PRDX3: variants seen among roughly 807,000 people sequenced by gnomAD.
The protein encoded by PRDX3 is peroxiredoxin 3, also known as thioredoxin-dependent peroxide reductase, mitochondrial.
PRDX3 carries 20 observed loss-of-function variants against 30.4 expected under a neutral mutation model. The ratio of observed to expected loss-of-function variants is 0.66; its 90% CI spans 0.46 to 0.96. The LOEUF is 0.96. Among genes scored for constraint, PRDX3 ranks in the 40% least tolerant of loss-of-function variants. The probability of loss-of-function intolerance (pLI) is 0.00; values close to 1 mark genes in which losing one functional copy is unlikely to be tolerated. For synonymous variants in PRDX3, 124 were observed against 117.8 expected, an observed-to-expected ratio of 1.05 and a Z score of -0.34; for missense variants, 322 against 318.3, an observed-to-expected ratio of 1.01 and a Z score of -0.09.
At chr10:119,169,002 A>C (rs566052536) in intron 6 of PRDX3, among the ~76,000 whole-genome samples, 175 bp downstream of exon 6, 2 of 149,354 alleles carry the variant, frequency 1.3e-5, no homozygotes, top group Non-Finnish European at 3.0e-5. Flanking sequence ...CCTGTCTCTG[A>C]TAATTGGTTC....
rs1303189286 is a variant in PRDX3 at position 119,178,785 on chromosome 10, C to T, written c.6G>A (p.Ala2=). The change falls in exon 1 of 7, where the codon GCG becomes GCA. Residue 2 remains alanine (A), a synonymous_variant. Transcript: ENST00000298510. ...CTCGGAGCAACCGTCCTACAGCAGC[C>T]GCCATCTTCAGTGCACTCGGGCGCC... M[A]AAVGRLLRAS... 4 of 1,553,034 alleles carry T rather than the reference C, an allele frequency of 2.6e-6. No homozygotes were observed. Among genetic ancestry groups the T allele is most frequent in the African/African-American group, 2.7e-5 (2 of 73,154 alleles).
At chr10:119,177,519 G>A (rs1056670709) in intron 1 of PRDX3, among the ~76,000 whole-genome samples, 2 of 151,874 alleles carry the variant, frequency 1.3e-5, no homozygotes, top group Non-Finnish European at 2.9e-5. Flanking sequence ...TTAGCCAGGC[G>A]GCGGTGGCGG....
At chr10:119,169,429 C>A in intron 5 of PRDX3, 87 bp from the exon 6 acceptor site, 1 of 1,110,616 alleles carries the variant, frequency 9.0e-7, no homozygotes. Context: ...TTTAATTCTC[C>A]TTTTAATAAA....
At chr10:119,173,640 T>C in intron 4 of PRDX3, 97 bp downstream of exon 4, 1 of 1,396,802 alleles carries the variant, frequency 7.2e-7, no homozygotes, top group South Asian at 1.3e-5. Context: ...ACCCAACCCT[T>C]GCGTAATTTG....
intron 2 of PRDX3, 25 bp downstream of exon 2, chr10:119,176,996 A>G: frequency 1.9e-6 from 3 of 1,613,614 alleles, no homozygotes; most frequent in Non-Finnish European, 2.5e-6. Flanking sequence ...ACCTGGCTCC[A>G]GCCAAGACAT....
At chr10:119,171,988 C>A (rs758892781) in intron 5 of PRDX3, among the ~76,000 whole-genome samples, 1 of 152,160 alleles carries the variant, frequency 6.6e-6, no homozygotes, top group African/African-American at 2.4e-5. Flanking sequence ...GGCCTCAAGA[C>A]GCAGCCAGCC....
intron 5 of PRDX3, among the ~76,000 whole-genome samples, chr10:119,171,743 A>G (rs35648108): frequency 0.011 from 1,746 of 152,326 alleles, 39 homozygotes; most frequent in African/African-American, 0.04. Flanking sequence ...CTGGGGCTCA[A>G]CAAGGTTAAA....
chr10:119,178,519 G>C (rs1382540888), intron 1 of PRDX3, among the ~76,000 whole-genome samples: 1 of 152,258 alleles, frequency 6.6e-6, no homozygotes, highest in Admixed American at 6.5e-5. Flanking sequence ...CTGGGGACCG[G>C]GGACGCCGAA....
At position 119,175,700 on chromosome 10, in the gene PRDX3, G is replaced by T. The variant is rs945134010; in HGVS notation, c.170-1108C>A. On this transcript the variant is annotated intron_variant, in intron 2 of 6. Transcript: ENST00000298510. ...GTGAGCCACAGTGCCTGGCTGAGAT[G>T]GGGGTTTTTAGGAAGATTAGTCCGG... Among the ~76,000 whole-genome samples, 3 of 152,032 alleles carry T rather than the reference G, an allele frequency of 2.0e-5. No homozygotes were observed. In the South Asian group the frequency reaches 6.2e-4, roughly 32 times the overall value.
rs770012815 is a variant in PRDX3 at position 119,173,877 on chromosome 10, A to G, written c.312-5T>C. 7.7e-5 allele frequency: 123 copies of G among 1,593,236 alleles called. No homozygotes were observed. The highest frequency in any genetic ancestry group is 9.7e-5 in the Non-Finnish European group (113 of 1,165,892). ...TCTGTAGGACACACAAAGGTGCTGGAAAAAAAGGATAGAAATTCTCATTAG... is the reference window on the plus strand; with the variant it reads ...TCTGTAGGACACACAAAGGTGCTGGGAAAAAAGGATAGAAATTCTCATTAG... On this transcript the variant is annotated splice_polypyrimidine_tract_variant and splice_region_variant and intron_variant, in intron 3 of 6. Transcript: ENST00000298510.
At position 119,168,021 on chromosome 10, in the gene PRDX3, C is replaced by T. The variant is rs911308509; in HGVS notation, c.*459G>A. ...ATAAACATTCATTGCAGGAGTTACA[C>T]GGCTAATCATTGAAAATTATGATCT... is the stretch of plus-strand genomic sequence containing the variant. On this transcript the variant is annotated 3_prime_UTR_variant, in exon 7 of 7. Transcript: ENST00000298510. 7 of 161,036 alleles carry T rather than the reference C, an allele frequency of 4.3e-5. No individual in the cohort carries two copies. Among genetic ancestry groups the T allele is most frequent in the Non-Finnish European group, 8.1e-5 (6 of 74,214 alleles). 10.0% of individuals were successfully genotyped at this position (161,036 alleles called of 1,614,324 possible). A position where few individuals can be genotyped will look rare whatever the true frequency, so the allele number is the denominator to read the frequency against.
chr10:119,174,753 C>T, intron 2 of PRDX3, 161 bp from the exon 3 acceptor site: 1 of 644,682 alleles, frequency 1.6e-6, no homozygotes, highest in Non-Finnish European at 2.5e-6. Context: ...TCCTTTGCCA[C>T]CTGTGGGGGG....
chr10:119,174,007 G>T, intron 3 of PRDX3, 135 bp from the exon 4 acceptor site: 1 of 777,134 alleles, frequency 1.3e-6, no homozygotes, highest in Non-Finnish European at 1.9e-6. Context: ...GGACTATAGT[G>T]TTGTGCTGGC....
rs1449856338 is a variant in PRDX3 at position 119,172,395 on chromosome 10, C to T, written c.538G>A (p.Gly180Ser). The stretch of plus-strand genomic sequence containing the variant: ...ACAGGATCTTACCTTAGTGCAAGAC[C>T]AGAACCTTCTAACAGCACACCGTAG... The part of the protein sequence containing the change: ...RDYGVLLEGS[G>S]LALRGLFIID... Residue 180 changes from glycine to serine, a missense_variant, in exon 5 of 7, where the codon GGT (glycine) becomes AGT (serine). Transcript: ENST00000298510. 3.1e-6 allele frequency: 5 copies of T among 1,612,356 alleles called. No homozygotes were observed. The African/African-American group carries it at 5.3e-5, about 17-fold the overall frequency.
rs1440867652 is a variant in PRDX3 at position 119,167,768 on chromosome 10, A to C, written c.*712T>G. 1.3e-5 allele frequency: 2 copies of C among 152,262 alleles called. No individual in the cohort carries two copies. The highest frequency in any genetic ancestry group is 3.8e-4 in the East Asian group (2 of 5,204). The allele number at this position is 152,262 out of a possible 1,614,324, so 9.4% of individuals were successfully genotyped here. On this transcript the variant is annotated 3_prime_UTR_variant, in exon 7 of 7. Coordinates refer to ENST00000298510, the MANE Select transcript of PRDX3 (RefSeq NM_006793.5). The stretch of plus-strand genomic sequence containing the variant: ...TATGTTTTACAATGAATACTTCAGC[A>C]AAGAAAATAATTATAATTTCAAAAT...
Position 119,177,051 on chromosome 10 carries a change from C to A in PRDX3, c.139G>T (p.Gly47Cys). The change falls in exon 2 of 7, where the codon GGT (glycine) becomes TGT (cysteine). Residue 47 changes from glycine to cysteine, a missense_variant. Coordinates refer to ENST00000298510, the MANE Select transcript of PRDX3 (RefSeq NM_006793.5). ...CTGAATAATTTTGCTTGACTGGAACCAGAACACAATAAATTTGTCAAGCTC... is the reference window on the plus strand; with the variant it reads ...CTGAATAATTTTGCTTGACTGGAACAAGAACACAATAAATTTGTCAAGCTC... Reference protein sequence around the residue: ...RTSLTNLLCSGSSQAKLFSTS... With the variant: ...RTSLTNLLCSCSSQAKLFSTS... 3 of 1,614,130 alleles carry A rather than the reference C, an allele frequency of 1.9e-6. No homozygotes were observed. The highest frequency in any genetic ancestry group is 2.5e-6 in the Non-Finnish European group (3 of 1,179,968).
At chr10:119,168,945 C>A (rs1257555367) in intron 6 of PRDX3, among the ~76,000 whole-genome samples, 3 of 143,574 alleles carry the variant, frequency 2.1e-5, no homozygotes, top group Non-Finnish European at 3.0e-5. Context: ...TGCACTCCAG[C>A]CTGGGCGAGA....
At chr10:119,177,221 G>C in intron 1 of PRDX3, 68 bp from the exon 2 acceptor site, 1 of 1,542,328 alleles carries the variant, frequency 6.5e-7, no homozygotes, top group Non-Finnish European at 8.9e-7. Flanking sequence ...AGGGCATCGT[G>C]CCAACGGTGG....
intron 1 of PRDX3, 27 bp downstream of exon 1, chr10:119,178,728 G>C (rs756035140): frequency 1.3e-6 from 2 of 1,550,744 alleles, no homozygotes; most frequent in Non-Finnish European, 1.7e-6. Context: ...GTGTCTCCAC[G>C]CCTGTCCCCA....
Sources: gnomAD v4.1 joint callset for allele counts (sites outside exome capture counted in the v4.1 genomes callset) on GRCh38, gnomAD v4.1.1 for gene constraint, MANE v1.5 for transcripts, NCBI Gene and HGNC (gene_info 2026-07-23, HGNC 2026-07-21) for gene names.